The following TUSC3 variants were observed in gnomAD, a reference collection of about 807,000 sequenced individuals.
The protein encoded by TUSC3 is tumor suppressor candidate 3, also known as dolichyl-diphosphooligosaccharide--protein glycosyltransferase subunit TUSC3.
Under a neutral mutation model 44.8 loss-of-function variants are expected in TUSC3, and 45 were observed. The ratio of observed to expected loss-of-function variants is 1.00; its 90% CI spans 0.79 to 1.29. The LOEUF (loss-of-function observed/expected upper bound fraction) is 1.29. TUSC3 is among the 50% of genes most tolerant of loss of function. The pLI, the probability that TUSC3 is intolerant of heterozygous loss-of-function variation, is 0.00. For missense variants in TUSC3, 519 were observed against 437.9 expected (o/e 1.19, Z -1.65); for synonymous variants, 212 against 152.9 (o/e 1.39, Z -2.85).
chr8:15,620,978 G>T (rs1471234254), intron 1 of TUSC3, among the ~76,000 whole-genome samples: 1 of 144,378 alleles, frequency 6.9e-6, no homozygotes, highest in Admixed American at 6.8e-5. Context: ...AAAAGATTGT[G>T]TGTGGTGTGT....
chr8:15,843,514 T>C, the TUSC3 span, among the ~76,000 whole-genome samples: 1 of 151,662 alleles, frequency 6.6e-6, no homozygotes, highest in Admixed American at 6.6e-5. Context: ...ATAGAAGAGA[T>C]AAAGTTGATG....
intron 6 of TUSC3, among the ~76,000 whole-genome samples, chr8:15,705,119 G>T (rs1163714439): frequency 1.3e-5 from 2 of 150,752 alleles, no homozygotes; most frequent in African/African-American, 2.4e-5. Flanking sequence ...CTGGGTGCAT[G>T]ATTTTTTTTT....
chr8:15,634,603 G>A (rs1805979064), intron 2 of TUSC3, among the ~76,000 whole-genome samples: 1 of 152,228 alleles, frequency 6.6e-6, no homozygotes, highest in Non-Finnish European at 1.5e-5. Context: ...AGATCCAGCA[G>A]TTGATGGTTT....
intron 1 of TUSC3, among the ~76,000 whole-genome samples, chr8:15,571,471 A>G (rs1273196158): frequency 6.6e-6 from 1 of 152,176 alleles, no homozygotes. Context: ...AAAAGTATAT[A>G]TACCTTAATT....
chr8:15,779,679 A>G, the TUSC3 span, among the ~76,000 whole-genome samples: 26 of 152,334 alleles, frequency 1.7e-4, no homozygotes, highest in East Asian at 5.0e-3. Flanking sequence ...AAGAGTATCA[A>G]AAGTTAGTCT....
intron 8 of TUSC3, 149 bp downstream of exon 8, chr8:15,743,761 G>T: frequency 1.1e-6 from 1 of 881,934 alleles, no homozygotes; most frequent in East Asian, 2.5e-5. Context: ...CTATTGCTGG[G>T]ATGTGTTCAT....
chr8:15,674,362 G>C (rs1044995259), intron 6 of TUSC3, among the ~76,000 whole-genome samples: 1 of 152,010 alleles, frequency 6.6e-6, no homozygotes, highest in Non-Finnish European at 1.5e-5. Context: ...AACTGAGTTT[G>C]TTGCCTTCTC....
Position 15,504,018 on chromosome 8 carries a change from A to G in TUSC3, n.189+20535A>G, listed in dbSNP as rs867277346. Among the ~76,000 whole-genome samples, 999 of 150,738 alleles carry G rather than the reference A, an allele frequency of 6.6e-3. 6 individuals carry two copies. The highest frequency in any genetic ancestry group is 0.021 in the Middle Eastern group (6 of 288). ...AACAGAGTGAGACTCTGTCTCAAAA[A>G]AAAAAAAAAAAAAAATTCTGTAGAA... On this transcript the variant is annotated intron_variant and non_coding_transcript_variant, in intron 2 of 5. Coordinates refer to the TUSC3 transcript ENST00000503191.
At chr8:15,420,951 G>C (rs1799731004) in intron 1 of TUSC3, among the ~76,000 whole-genome samples, 1 of 152,000 alleles carries the variant, frequency 6.6e-6, no homozygotes, top group Admixed American at 6.6e-5. Flanking sequence ...ATTTAATCTA[G>C]TGTCTTTGAT....
chr8:15,610,016 C>G (rs930867917), intron 1 of TUSC3, among the ~76,000 whole-genome samples: 1 of 151,812 alleles, frequency 6.6e-6, no homozygotes, highest in African/African-American at 2.4e-5. Context: ...TATTTCCTAG[C>G]TGTTTTTATT....
chr8:15,497,799 C>A (rs1365155924), intron 2 of TUSC3, among the ~76,000 whole-genome samples: 1 of 151,108 alleles, frequency 6.6e-6, no homozygotes, highest in South Asian at 2.1e-4. Context: ...GGCTGGAGTG[C>A]AATGGTGTGA....
the TUSC3 span, among the ~76,000 whole-genome samples, chr8:15,820,680 C>G: frequency 6.6e-6 from 1 of 152,154 alleles, no homozygotes; most frequent in South Asian, 2.1e-4. Context: ...GCTGGCCTTT[C>G]AAAAGGAGTT....
At chr8:15,481,596 C>G (rs1276315161) in intron 1 of TUSC3, among the ~76,000 whole-genome samples, 3 of 152,124 alleles carry the variant, frequency 2.0e-5, no homozygotes, top group African/African-American at 2.4e-5. Flanking sequence ...AAGCAGGTAT[C>G]ACAGTAAAGC....
At chr8:15,773,156 A>C in the TUSC3 span, among the ~76,000 whole-genome samples, 1 of 152,200 alleles carries the variant, frequency 6.6e-6, no homozygotes, top group African/African-American at 2.4e-5. Context: ...AAGGACACAA[A>C]AAGACAACCA....
intron 6 of TUSC3, among the ~76,000 whole-genome samples, chr8:15,697,816 G>C: frequency 6.6e-6 from 1 of 152,170 alleles, no homozygotes; most frequent in Non-Finnish European, 1.5e-5. Context: ...TTTGATTTAC[G>C]TAGTAACTAG....
At chr8:15,754,467 A>C (rs947964894) in intron 9 of TUSC3, among the ~76,000 whole-genome samples, 2 of 152,188 alleles carry the variant, frequency 1.3e-5, no homozygotes, top group Non-Finnish European at 2.9e-5. Context: ...ATTCTTCTTC[A>C]CAGTAGCTCT....
At chr8:15,743,651 G>C in intron 8 of TUSC3, 39 bp downstream of exon 8, 2 of 1,603,478 alleles carry the variant, frequency 1.2e-6, no homozygotes, top group African/African-American at 1.3e-5. Flanking sequence ...TTTCGTTTTA[G>C]TCTTAAGATT....
At chr8:15,517,797 A>T (rs941741968) in intron 2 of TUSC3, among the ~76,000 whole-genome samples, 3 of 151,952 alleles carry the variant, frequency 2.0e-5, no homozygotes, top group Non-Finnish European at 2.9e-5. Context: ...GTTTCTACCA[A>T]TGTTATCATA....
chr8:15,432,249 T>C (rs1799881619), intron 1 of TUSC3, among the ~76,000 whole-genome samples: 1 of 152,158 alleles, frequency 6.6e-6, no homozygotes, highest in Non-Finnish European at 1.5e-5. Context: ...GGCTTTTTGT[T>C]GTTGTTGTTG....
Sources: gnomAD v4.1 joint callset for allele counts (sites outside exome capture counted in the v4.1 genomes callset) on GRCh38, gnomAD v4.1.1 for gene constraint, MANE v1.5 for transcripts, NCBI Gene and HGNC (gene_info 2026-07-23, HGNC 2026-07-21) for gene names.